Variants in PLCB4 observed in about 807,000 individuals in gnomAD.
PLCB4 encodes the protein 1-phosphatidylinositol 4,5-bisphosphate phosphodiesterase beta-4.
Under a neutral mutation model 178.8 loss-of-function variants are expected in PLCB4, and 77 were observed. The ratio of observed to expected loss-of-function variants is 0.43; its 90% CI spans 0.36 to 0.52. The LOEUF is 0.52. Ranked by LOEUF, PLCB4 falls within the 20% of genes least tolerant of loss-of-function variation. The probability of loss-of-function intolerance (pLI) is 0.00; values close to 1 mark genes in which losing one functional copy is unlikely to be tolerated. For synonymous variants in PLCB4, 496 were observed against 490.8 expected, an observed-to-expected ratio of 1.01 and a Z score of -0.14; for missense variants, 1,024 against 1,453.4, an observed-to-expected ratio of 0.70 and a Z score of 4.80.
rs73250491 is a variant in PLCB4, at chr20:9,445,453, G to A, written c.2880+1210G>A. Among the ~76,000 whole-genome samples the A allele has an allele frequency of 1.6e-3, 237 of 152,256 alleles. 2 individuals carry two copies. The highest frequency in any genetic ancestry group is 5.3e-3 in the African/African-American group (219 of 41,536). On this transcript the variant is annotated intron_variant, in intron 32 of 39. Transcript: ENST00000378473. ...TAATCATTCCACGTATTGAGATGCC[G>A]AGAACATTGTCTGGAACCCTGTCCC...
chr20:9,431,974 A>G (rs1199199556), intron 28 of PLCB4, among the ~76,000 whole-genome samples: 1 of 152,234 alleles, frequency 6.6e-6, no homozygotes, highest in Admixed American at 6.5e-5. Flanking sequence ...TGACAAAGAA[A>G]TCATTTTTTG....
At chr20:9,146,218 A>G (rs1192304470) in intron 2 of PLCB4, among the ~76,000 whole-genome samples, 10 of 152,156 alleles carry the variant, frequency 6.6e-5, no homozygotes, top group Admixed American at 5.9e-4. Context: ...GGGTGCCTAC[A>G]TAGATCCAAA....
intron 3 of PLCB4, among the ~76,000 whole-genome samples, chr20:9,246,521 C>G (rs964379049): frequency 6.6e-6 from 1 of 152,150 alleles, no homozygotes; most frequent in Non-Finnish European, 1.5e-5. Flanking sequence ...ACACTTAATA[C>G]TCCTGTGGTA....
chr20:9,089,943 T>G (rs2146563453), intron 1 of PLCB4, among the ~76,000 whole-genome samples: 1 of 152,308 alleles, frequency 6.6e-6, no homozygotes, highest in East Asian at 1.9e-4. Flanking sequence ...GTCCTACTTT[T>G]CAAGGTATAC....
Position 9,419,811 on chromosome 20 carries a change from C to T in PLCB4, c.2056C>T (p.Leu686Phe). The T allele has an allele frequency of 6.2e-7, 1 of 1,609,484 alleles. No individual in the cohort carries two copies. Among genetic ancestry groups the T allele is most frequent in the Non-Finnish European group, 8.5e-7 (1 of 1,175,798 alleles). ...KFEYNGSCGY[L>F]LKPDFMRRPD... ...TCTATGCTATTGTCCTACCAGGTACCTTCTCAAACCAGATTTCATGAGGCG... is the reference window on the plus strand; with the variant it reads ...TCTATGCTATTGTCCTACCAGGTACTTTCTCAAACCAGATTTCATGAGGCG... The change falls in exon 26 of 40, where the codon CTT (leucine) becomes TTT (phenylalanine). Residue 686 changes from leucine (L) to phenylalanine (F), a missense_variant. By Grantham distance (22) the Leu-to-Phe change is conservative. Around this residue, in one of 7 missense-constraint regions of PLCB4, gnomAD observed 227 missense variants for 374.3 expected, o/e 0.61. Transcript: ENST00000378473.
intron 8 of PLCB4, among the ~76,000 whole-genome samples, chr20:9,365,103 C>A (rs1269247172): frequency 1.3e-5 from 2 of 152,168 alleles, no homozygotes; most frequent in African/African-American, 4.8e-5. Flanking sequence ...TCAATGGAGG[C>A]ACCCAGTCAT....
At position 9,328,974 on chromosome 20, in the gene PLCB4, C is replaced by CAGGGGAT. The variant is rs147185185; in HGVS notation, c.85-8151_85-8145dup. Among the ~76,000 whole-genome samples, 613 of 152,282 alleles carry CAGGGGAT rather than the reference C, an allele frequency of 4.0e-3. 4 individuals carry two copies. The highest frequency in any genetic ancestry group is 0.013 in the African/African-American group (538 of 41,542). On this transcript the variant is annotated intron_variant, in intron 4 of 39. Transcript: ENST00000378473. ...TTAAGGAGGGGGTATGTGATTTACA[C>CAGGGGAT]AGGGGATGAAAGATCGGTTGGAGGA...
intron 2 of PLCB4, among the ~76,000 whole-genome samples, chr20:9,108,325 T>TAGA (rs1373721143): frequency 6.6e-6 from 1 of 151,894 alleles, no homozygotes; most frequent in Admixed American, 6.6e-5. Context: ...TAAGGGCACT[T>TAGA]AGAGGGTGGG....
chr20:9,262,834 C>A (rs2094311498), intron 3 of PLCB4, among the ~76,000 whole-genome samples: 1 of 152,156 alleles, frequency 6.6e-6, no homozygotes, highest in South Asian at 2.1e-4. Flanking sequence ...CTCTCTCAAG[C>A]TGCTTTAAGT....
chr20:9,478,664 T>A (rs2044714060), intron 39 of PLCB4, among the ~76,000 whole-genome samples: 1 of 152,118 alleles, frequency 6.6e-6, no homozygotes, highest in South Asian at 2.1e-4. Context: ...CCCCAAAATT[T>A]AATGTGTATA....
rs773057309 is a variant in PLCB4 at position 9,307,858 on chromosome 20, C to T, written c.44C>T (p.Ser15Phe). 9.1e-5 allele frequency: 146 copies of T among 1,599,944 alleles called. No individual in the cohort carries two copies. Among genetic ancestry groups the T allele is most frequent in the Non-Finnish European group, 1.2e-4 (143 of 1,168,598 alleles). ...YEFNWQKEVP[S>F]FLQEGAVFDR... is the part of the protein sequence containing the mutation. Reference sequence around the variant, plus strand: ...TTTAACTGGCAGAAGGAAGTTCCCTCCTTTTTGCAAGAAGGAGCAGTTTTT... The same window carrying T: ...TTTAACTGGCAGAAGGAAGTTCCCTTCTTTTTGCAAGAAGGAGCAGTTTTT... The change falls in exon 4 of 40, where the codon TCC becomes TTC. Residue 15 changes from serine to phenylalanine, a missense_variant. Physicochemically the swap from Ser to Phe is radical, Grantham distance 155. This residue lies in a region of PLCB4 where 225 missense variants were observed against 291.0 expected (regional missense o/e 0.77). Transcript: ENST00000378473.
At chr20:9,398,435 A>G (rs1185400573) in intron 19 of PLCB4, among the ~76,000 whole-genome samples, 1 of 152,210 alleles carries the variant, frequency 6.6e-6, no homozygotes, top group Non-Finnish European at 1.5e-5. Context: ...CAAATGGTCA[A>G]GAAAATACTC....
chr20:9,425,718 T>C (rs985444900), intron 28 of PLCB4, among the ~76,000 whole-genome samples: 13 of 152,260 alleles, frequency 8.5e-5, no homozygotes, highest in Admixed American at 8.5e-4. Flanking sequence ...TATGTACCAT[T>C]GATGAGATTC....
At chr20:9,264,930 C>CAGG (rs1288597048) in intron 3 of PLCB4, among the ~76,000 whole-genome samples, 1 of 152,108 alleles carries the variant, frequency 6.6e-6, no homozygotes, top group Non-Finnish European at 1.5e-5. Context: ...TGGATGTGGG[C>CAGG]AGACAGGCTT....
intron 3 of PLCB4, among the ~76,000 whole-genome samples, chr20:9,271,713 T>C (rs2094404625): frequency 6.6e-6 from 1 of 152,104 alleles, no homozygotes; most frequent in Non-Finnish European, 1.5e-5. Context: ...TTAGAAACAC[T>C]TAGCTTCTTC....
intron 34 of PLCB4, among the ~76,000 whole-genome samples, chr20:9,457,953 T>A (rs1013074802): frequency 2.0e-5 from 3 of 152,178 alleles, no homozygotes; most frequent in Admixed American, 6.5e-5. Flanking sequence ...GCCTAATTAC[T>A]CACATTTTCT....
chr20:9,087,288 G>T (rs769918475), intron 1 of PLCB4, among the ~76,000 whole-genome samples: 6 of 152,046 alleles, frequency 3.9e-5, no homozygotes, highest in Admixed American at 1.3e-4. Context: ...ATGGAAAAAA[G>T]TCACAAGACT....
chr20:9,106,692 C>T (rs1035398276), intron 2 of PLCB4, among the ~76,000 whole-genome samples: 1 of 152,060 alleles, frequency 6.6e-6, no homozygotes, highest in African/African-American at 2.4e-5. Context: ...ATTCTATGGA[C>T]CACTCTTAGA....
rs148885261 is a variant in PLCB4, at chr20:9,390,582, T to C, written c.1290T>C (p.Asp430=). Residue 430 remains aspartate (D), a synonymous_variant, in exon 17 of 40, where the codon GAT becomes GAC. Transcript: ENST00000378473. ...AATATTGCGAAGATCTATTTGGGGA[T>C]CTCCTGTTGAAACAAGCACTTGAAT... The part of the protein sequence containing the change: ...MSKYCEDLFG[D]LLLKQALESH... The C allele has an allele frequency of 8.5e-5, 134 of 1,574,038 alleles. No homozygotes were observed. The highest frequency in any genetic ancestry group is 1.2e-4 in the Admixed American group (7 of 59,942).
Sources: allele counts gnomAD v4.1 joint callset (sites outside exome capture counted in the v4.1 genomes callset), GRCh38; gene constraint gnomAD v4.1.1; regional missense constraint gnomAD v4.1.1; transcripts MANE v1.5; gene names NCBI Gene and HGNC (gene_info 2026-07-23, HGNC 2026-07-21).